The following CSMD3 variants were observed in gnomAD, a reference collection of about 807,000 sequenced individuals.
CSMD3 encodes CUB and Sushi multiple domains 3, also known as CUB and sushi domain-containing protein 3.
CSMD3 carries 177 observed loss-of-function variants against 435.2 expected under a neutral mutation model. The ratio of observed to expected loss-of-function variants is 0.41; its 90% CI spans 0.36 to 0.46. The LOEUF is 0.46. Ranked by LOEUF, CSMD3 falls within the 20% of genes least tolerant of loss-of-function variation. CSMD3 has a pLI of 0.34. For synonymous variants in CSMD3, 1,656 were observed against 1,520.5 expected, an observed-to-expected ratio of 1.09 and a Z score of -2.07; for missense variants, 4,265 against 4,504.6, an observed-to-expected ratio of 0.95 and a Z score of 1.52.
chr8:112,461,072 AT>A (rs1227125978), intron 32 of CSMD3, among the ~76,000 whole-genome samples: 1 of 152,130 alleles, frequency 6.6e-6, no homozygotes, highest in Non-Finnish European at 1.5e-5. Flanking sequence ...AAAGTAGGTA[AT>A]TAAATCATAT....
intron 38 of CSMD3, among the ~76,000 whole-genome samples, chr8:112,362,417 T>C (rs1827331381): frequency 6.6e-6 from 1 of 152,122 alleles, no homozygotes; most frequent in African/African-American, 2.4e-5. Context: ...ATATTTAACT[T>C]AGAATTACTC....
intron 1 of CSMD3, among the ~76,000 whole-genome samples, chr8:113,380,735 A>G (rs942482324): frequency 6.6e-6 from 1 of 152,152 alleles, no homozygotes; most frequent in Admixed American, 6.5e-5. Flanking sequence ...TTAATTTTTG[A>G]CTTATGTCGT....
intron 5 of CSMD3, among the ~76,000 whole-genome samples, chr8:113,069,161 G>T (rs867549388): frequency 1.6e-4 from 25 of 152,040 alleles, no homozygotes; most frequent in Admixed American, 1.5e-3. Context: ...TTCAAAGTGG[G>T]CTTTAATTTT....
chr8:112,547,122 AACG>A (rs1827251912), intron 27 of CSMD3, among the ~76,000 whole-genome samples: 1 of 152,038 alleles, frequency 6.6e-6, no homozygotes, highest in Non-Finnish European at 1.5e-5. Context: ...TGACAATTAA[AACG>A]ACAATACTTC....
intron 4 of CSMD3, among the ~76,000 whole-genome samples, chr8:113,139,897 A>T (rs994783410): frequency 6.6e-6 from 1 of 151,140 alleles, no homozygotes; most frequent in Non-Finnish European, 1.5e-5. Context: ...AATGGAAAAC[A>T]AGAGTGGCTA....
At chr8:112,577,110 G>A (rs1456229173) in intron 23 of CSMD3, among the ~76,000 whole-genome samples, 5 of 151,954 alleles carry the variant, frequency 3.3e-5, no homozygotes, top group Admixed American at 3.3e-4. Context: ...AATTTTGGAA[G>A]CATGCATAAA....
At chr8:112,651,492 C>T (rs2075124813) in intron 18 of CSMD3, among the ~76,000 whole-genome samples, 1 of 151,462 alleles carries the variant, frequency 6.6e-6, no homozygotes, top group African/African-American at 2.4e-5. Flanking sequence ...CTTTTATCTG[C>T]TAAGTTCCTC....
intron 32 of CSMD3, among the ~76,000 whole-genome samples, chr8:112,458,968 T>C (rs1374160522): frequency 6.6e-6 from 1 of 152,024 alleles, no homozygotes; most frequent in Non-Finnish European, 1.5e-5. Context: ...CTCAGGCACA[T>C]ACACAGATCT....
At chr8:112,741,934 G>A (rs1358792602) in intron 13 of CSMD3, among the ~76,000 whole-genome samples, 1 of 151,830 alleles carries the variant, frequency 6.6e-6, no homozygotes, top group Non-Finnish European at 1.5e-5. Flanking sequence ...GAAGAAAACT[G>A]TTGAAGAGTG....
chr8:113,374,650 A>T (rs1185252717), intron 1 of CSMD3, among the ~76,000 whole-genome samples: 2 of 152,108 alleles, frequency 1.3e-5, no homozygotes, highest in African/African-American at 4.8e-5. Flanking sequence ...CATCGATATT[A>T]CTTATAATAT....
At chr8:112,584,044 C>CA (rs956562234) in intron 23 of CSMD3, among the ~76,000 whole-genome samples, 3 of 148,860 alleles carry the variant, frequency 2.0e-5, no homozygotes, top group East Asian at 2.0e-4. Flanking sequence ...AAATGTTTTA[C>CA]AAAAAAAAAG....
intron 13 of CSMD3, among the ~76,000 whole-genome samples, chr8:112,744,220 T>C (rs991259984): frequency 6.6e-6 from 1 of 152,156 alleles, no homozygotes; most frequent in African/African-American, 2.4e-5. Flanking sequence ...AAGAATGTCA[T>C]TGAGAGCCTA....
In CSMD3 at chr8:112,318,887, C is replaced by G. The variant is rs2130860794; in HGVS notation, c.7310G>C (p.Cys2437Ser). The G allele has an allele frequency of 2.5e-6, 4 of 1,612,722 alleles. No individual in the cohort carries two copies. The highest frequency in any genetic ancestry group is 3.4e-6 in the Non-Finnish European group (4 of 1,179,448). ...FTLVGNAILTCRLGERLQMDG... is the reference protein window; with the variant it reads ...FTLVGNAILTSRLGERLQMDG... ...CATCTGCAGTCGTTCTCCTAATCTG[C>G]ACGTCAGAATTGCATTACCAACTAA... Residue 2437 changes from cysteine (C) to serine (S), a missense_variant, in exon 47 of 71, where the codon TGC (cysteine) becomes TCC (serine). Cys to Ser is a moderately radical substitution (Grantham distance 112, BLOSUM62 -1). Coordinates refer to ENST00000297405, the MANE Select transcript of CSMD3 (RefSeq NM_198123.2).
chr8:113,179,955 T>G (rs1259376179), intron 3 of CSMD3, among the ~76,000 whole-genome samples: 1 of 151,866 alleles, frequency 6.6e-6, no homozygotes, highest in Non-Finnish European at 1.5e-5. Context: ...AAGAAAACCT[T>G]ACCTTGAAAA....
chr8:112,247,864 G>T (rs1814893880), intron 63 of CSMD3, among the ~76,000 whole-genome samples: 2 of 152,078 alleles, frequency 1.3e-5, no homozygotes. Flanking sequence ...ACTAAAGTTT[G>T]CAAAAGACTT....
chr8:113,251,383 C>G (rs1226061075), intron 3 of CSMD3, among the ~76,000 whole-genome samples: 1 of 152,002 alleles, frequency 6.6e-6, no homozygotes, highest in Non-Finnish European at 1.5e-5. Flanking sequence ...GATCGCACAA[C>G]TAAAATTCTG....
intron 10 of CSMD3, among the ~76,000 whole-genome samples, chr8:112,901,609 C>T (rs1587623654): frequency 6.6e-6 from 1 of 151,372 alleles, no homozygotes; most frequent in Middle Eastern, 3.4e-3. Context: ...TCTCTCCTTC[C>T]ATATTTCCTG....
intron 27 of CSMD3, among the ~76,000 whole-genome samples, chr8:112,540,700 T>G (rs1826582409): frequency 6.6e-6 from 1 of 151,904 alleles, no homozygotes; most frequent in African/African-American, 2.4e-5. Context: ...TATTGCAAGT[T>G]TTCACTTATA....
intron 24 of CSMD3, among the ~76,000 whole-genome samples, chr8:112,570,824 T>C (rs1261982030): frequency 6.6e-6 from 1 of 152,184 alleles, no homozygotes; most frequent in East Asian, 1.9e-4. Flanking sequence ...AAGTAGGCTA[T>C]AAACATTTTG....
Sources: gnomAD v4.1 joint callset for allele counts (sites outside exome capture counted in the v4.1 genomes callset) on GRCh38, gnomAD v4.1.1 for gene constraint, MANE v1.5 for transcripts, NCBI Gene and HGNC (gene_info 2026-07-23, HGNC 2026-07-21) for gene names.